Variants in RGS5 observed in about 807,000 individuals in gnomAD.
RGS5 encodes the protein regulator of G-protein signalling 5.
RGS5 carries 20 observed loss-of-function variants against 18.9 expected under a neutral mutation model. That is an observed-to-expected ratio of 1.06 (90% CI 0.74 to 1.54). The LOEUF is 1.54. Ranked by LOEUF, RGS5 falls within the 40% of genes most tolerant of loss-of-function variation. RGS5 has a pLI of 0.00. For missense variants in RGS5, 201 were observed against 211.8 expected (o/e 0.95, Z 0.32); for synonymous variants, 57 against 76.2 (o/e 0.75, Z 1.31).
intron 2 of RGS5, among the ~76,000 whole-genome samples, chr1:163,231,908 T>C (rs893971280): frequency 6.6e-6 from 1 of 152,134 alleles, no homozygotes; most frequent in African/African-American, 2.4e-5. Flanking sequence ...CTACAGTAGT[T>C]GCTATAACCC....
intron 2 of RGS5, among the ~76,000 whole-genome samples, chr1:163,284,535 CT>C (rs1649094500): frequency 6.6e-6 from 1 of 152,042 alleles, no homozygotes; most frequent in Non-Finnish European, 1.5e-5. Flanking sequence ...ATATAAAATT[CT>C]TAAGTCTTGG....
chr1:163,165,457 G>A (rs1430997931), intron 2 of RGS5, among the ~76,000 whole-genome samples: 1 of 152,188 alleles, frequency 6.6e-6, no homozygotes, highest in African/African-American at 2.4e-5. Flanking sequence ...AAACCTATGT[G>A]GTTGGCTAAT....
rs368233420 is a variant in RGS5, at chr1:163,233,599, A to G, written c.-280-65231T>C. On this transcript the variant is annotated intron_variant, in intron 2 of 5. Transcript: ENST00000618415. ...AAAGCTTTTAATCACCTGGGTGCAGATGGGCTGAGTCCAAAAAGAGAGTCA... is the reference window on the plus strand; with the variant it reads ...AAAGCTTTTAATCACCTGGGTGCAGGTGGGCTGAGTCCAAAAAGAGAGTCA... Among the ~76,000 whole-genome samples, 8 of 152,348 alleles carry G rather than the reference A, an allele frequency of 5.3e-5. No individual in the cohort carries two copies. The South Asian group carries it at 1.4e-3, about 28-fold the overall frequency.
intron 2 of RGS5, among the ~76,000 whole-genome samples, chr1:163,255,360 G>A (rs577374210): frequency 3.3e-5 from 5 of 152,166 alleles, no homozygotes; most frequent in Non-Finnish European, 7.4e-5. Context: ...AGAAAATCTA[G>A]AAGAAATGGG....
chr1:163,310,775 G>T (rs559288830), intron 1 of RGS5, among the ~76,000 whole-genome samples: 1 of 152,050 alleles, frequency 6.6e-6, no homozygotes, highest in Admixed American at 6.5e-5. Context: ...CTCCTATAAA[G>T]AACTGCCTGA....
intron 1 of RGS5, among the ~76,000 whole-genome samples, chr1:163,316,940 T>C (rs1342928005): frequency 6.6e-6 from 1 of 152,208 alleles, no homozygotes; most frequent in East Asian, 1.9e-4. Flanking sequence ...GTGTTAGGTG[T>C]TGGAGCATCA....
chr1:163,289,747 C>T (rs767917815), intron 2 of RGS5, among the ~76,000 whole-genome samples: 19 of 152,100 alleles, frequency 1.2e-4, no homozygotes, highest in Non-Finnish European at 2.4e-4. Flanking sequence ...TGCAACTATA[C>T]GCCATCTCAT....
Position 163,183,330 on chromosome 1 carries a change from C to G in RGS5, c.45-14962G>C, listed in dbSNP as rs532882393. 1.2e-4 allele frequency among the ~76,000 whole-genome samples: 19 copies of G among 152,278 alleles called. No homozygotes were observed. The Middle Eastern group carries it at 0.01, about 82-fold the overall frequency. ...CATGCATTCAATTCATTTATGTATTCATTTACTTGTCAGATTTTAATAGAG... is the reference window on the plus strand; with the variant it reads ...CATGCATTCAATTCATTTATGTATTGATTTACTTGTCAGATTTTAATAGAG... On this transcript the variant is annotated intron_variant, in intron 1 of 4. Transcript: ENST00000313961.
At chr1:163,199,165 T>C (rs928808745) in intron 1 of RGS5, among the ~76,000 whole-genome samples, 8 of 152,168 alleles carry the variant, frequency 5.3e-5, no homozygotes, top group Non-Finnish European at 1.0e-4. Flanking sequence ...TCTTTTTCAT[T>C]GACAGTATAA....
chr1:163,172,987 A>G (rs1349212093), intron 1 of RGS5, among the ~76,000 whole-genome samples: 3 of 152,206 alleles, frequency 2.0e-5, no homozygotes, highest in Non-Finnish European at 2.9e-5. Flanking sequence ...ACCAAATGAA[A>G]AATTCAAACA....
At chr1:163,222,112 T>C (rs12403503), upstream of RGS5, among the ~76,000 whole-genome samples, 3,608 of 152,178 alleles carry the variant, frequency 0.024, 80 homozygotes, top group East Asian at 0.056. Flanking sequence ...CAAAATTCAA[T>C]ATATTACCTC....
chr1:163,276,398 C>A (rs1395155224), intron 2 of RGS5, among the ~76,000 whole-genome samples: 1 of 152,082 alleles, frequency 6.6e-6, no homozygotes, highest in Non-Finnish European at 1.5e-5. Context: ...ACAACATTTA[C>A]TGGGTACAAT....
intron 2 of RGS5, among the ~76,000 whole-genome samples, chr1:163,247,198 C>T (rs12137605): frequency 0.2 from 30,051 of 152,036 alleles, 3,396 homozygotes; most frequent in Non-Finnish European, 0.25. Context: ...AATTTATCCA[C>T]GTAACAAATC....
chr1:163,283,153 G>A (rs180787066), intron 2 of RGS5, among the ~76,000 whole-genome samples: 50 of 152,196 alleles, frequency 3.3e-4, no homozygotes, highest in African/African-American at 1.1e-3. Context: ...GAAAGGAAAG[G>A]GGGAGGTTGG....
chr1:163,162,388 C>A (rs192682636), intron 2 of RGS5, among the ~76,000 whole-genome samples: 1 of 152,124 alleles, frequency 6.6e-6, no homozygotes, highest in African/African-American at 2.4e-5. Flanking sequence ...TGCATGTTAA[C>A]CACCTAACTG....
intron 2 of RGS5, among the ~76,000 whole-genome samples, chr1:163,231,878 G>T (rs1424101046): frequency 6.6e-6 from 1 of 151,910 alleles, no homozygotes; most frequent in East Asian, 1.9e-4. Context: ...TATATGTGCA[G>T]AAGTAAAGTA....
intron 1 of RGS5, among the ~76,000 whole-genome samples, chr1:163,191,978 A>G (rs1659375478): frequency 6.6e-6 from 1 of 152,148 alleles, no homozygotes; most frequent in African/African-American, 2.4e-5. Context: ...ACAAAAATGC[A>G]TCAAGGGGCT....
chr1:163,275,557 T>C (rs1407024370), intron 2 of RGS5, among the ~76,000 whole-genome samples: 1 of 152,224 alleles, frequency 6.6e-6, no homozygotes, highest in Non-Finnish European at 1.5e-5. Context: ...TGAATTACTA[T>C]GCCAACAAAG....
intron 1 of RGS5, among the ~76,000 whole-genome samples, chr1:163,317,043 A>G (rs7549146): frequency 0.35 from 52,970 of 152,048 alleles, 9,839 homozygotes; most frequent in Non-Finnish European, 0.42. Flanking sequence ...GTAAGTATGC[A>G]AAGAATCCAT....
Sources: gnomAD v4.1 joint callset for allele counts (sites outside exome capture counted in the v4.1 genomes callset) on GRCh38, gnomAD v4.1.1 for gene constraint, MANE v1.5 for transcripts, NCBI Gene and HGNC (gene_info 2026-07-23, HGNC 2026-07-21) for gene names.